Variants in TRPC4AP observed in about 807,000 individuals in gnomAD.
TRPC4AP encodes the protein transient receptor potential cation channel subfamily C member 4 associated protein, also known as short transient receptor potential channel 4-associated protein.
Under a neutral mutation model 99.0 loss-of-function variants are expected in TRPC4AP, and 45 were observed. The observed-to-expected ratio is 0.45, with a 90% CI of 0.36 to 0.58. The LOEUF (loss-of-function observed/expected upper bound fraction) is 0.58. Ranked by LOEUF, TRPC4AP falls within the 20% of genes least tolerant of loss-of-function variation. The pLI is 0.00. For missense variants in TRPC4AP, 879 were observed against 985.3 expected, an observed-to-expected ratio of 0.89 and a Z score of 1.44; for synonymous variants, 408 against 385.8, an observed-to-expected ratio of 1.06 and a Z score of -0.67.
At chr20:35,042,208 G>T (rs1401406579) in intron 7 of TRPC4AP, among the ~76,000 whole-genome samples, 1 of 152,208 alleles carries the variant, frequency 6.6e-6, no homozygotes, top group Non-Finnish European at 1.5e-5. Flanking sequence ...CTTGTATCTA[G>T]TGACACAGGA....
At chr20:35,030,288 C>G (rs2083155477) in intron 8 of TRPC4AP, 1 of 145,898 alleles carries the variant, frequency 6.9e-6, no homozygotes, top group Non-Finnish European at 1.5e-5. Context: ...ACATCTTAAT[C>G]TTTTCCAGAT....
intron 2 of TRPC4AP, among the ~76,000 whole-genome samples, chr20:35,075,929 C>T (rs1287257256): frequency 1.3e-5 from 2 of 152,262 alleles, no homozygotes; most frequent in South Asian, 2.1e-4. Context: ...TCACACAGTC[C>T]CATATTTCTT....
chr20:35,075,877 C>T (rs570719537), intron 2 of TRPC4AP, among the ~76,000 whole-genome samples: 15 of 152,292 alleles, frequency 9.8e-5, no homozygotes, highest in Admixed American at 3.3e-4. Context: ...CCATTCTCCC[C>T]GTCACTTTCA....
At position 35,038,015 on chromosome 20, in the gene TRPC4AP, A is replaced by G. The variant is rs986031950; in HGVS notation, c.866-2707T>C. Among the ~76,000 whole-genome samples the G allele has an allele frequency of 5.3e-5, 8 of 151,904 alleles. No individual in the cohort carries two copies. The South Asian group carries it at 1.7e-3, about 32-fold the overall frequency. On this transcript the variant is annotated intron_variant, in intron 7 of 18. Coordinates refer to ENST00000252015, the MANE Select transcript of TRPC4AP (RefSeq NM_015638.3). Reference sequence around the variant, plus strand: ...CATGACTGTATATGAAGTAATCTGAATAGGTAAATCCACAGAGAAAAAAGC... The same window carrying G: ...CATGACTGTATATGAAGTAATCTGAGTAGGTAAATCCACAGAGAAAAAAGC...
intron 10 of TRPC4AP, among the ~76,000 whole-genome samples, chr20:35,014,447 T>C (rs2147280893): frequency 6.6e-6 from 1 of 150,838 alleles, no homozygotes; most frequent in African/African-American, 2.4e-5. Context: ...CCACAGACAT[T>C]ACAAAACACG....
chr20:35,069,991 CA>C (rs1339652906), intron 2 of TRPC4AP, among the ~76,000 whole-genome samples: 1 of 151,958 alleles, frequency 6.6e-6, no homozygotes, highest in Non-Finnish European at 1.5e-5. Flanking sequence ...TCCTGGAACC[CA>C]AACATCATGC....
At chr20:35,018,604 GAAAAAAAAAAA>G (rs11479211) in intron 9 of TRPC4AP, among the ~76,000 whole-genome samples, 2 of 88,940 alleles carry the variant, frequency 2.2e-5, no homozygotes, top group Non-Finnish European at 2.1e-5. Context: ...CTCAAAAAAA[GAAAAAAAAAAA>G]AAAAAAAAAA....
chr20:35,054,942 A>G lies in TRPC4AP; in HGVS notation c.528+34T>C, dbSNP rs749843640. 3.2e-6 allele frequency: 5 copies of G among 1,571,776 alleles called. No homozygotes were observed. The East Asian group carries it at 6.7e-5, about 21-fold the overall frequency. The stretch of plus-strand genomic sequence containing the variant: ...TTAAACATTGCAGACCTGGTAGGGG[A>G]GATAAACAGAGCCCCAGTGGCAGGG... On this transcript the variant is annotated intron_variant, in intron 5 of 18. Transcript: ENST00000252015.
At chr20:35,069,913 C>T (rs758349302) in intron 2 of TRPC4AP, among the ~76,000 whole-genome samples, 1 of 152,098 alleles carries the variant, frequency 6.6e-6, no homozygotes, top group Non-Finnish European at 1.5e-5. Context: ...TGCACTCCAG[C>T]CTCGGCAACA....
chr20:35,007,544 T>A lies in TRPC4AP; in HGVS notation c.1686+6A>T, dbSNP rs934216747. The A allele has an allele frequency of 2.5e-6, 4 of 1,613,858 alleles. No individual in the cohort carries two copies. The highest frequency in any genetic ancestry group is 3.3e-5 in the Admixed American group (2 of 59,994). ...AACCCAAGACACTGGCTGCTCCAGA[T>A]CATACCTCCAAGAGGCCTCGCTTCA... On this transcript the variant is annotated splice_donor_region_variant and intron_variant, in intron 14 of 18. Transcript: ENST00000252015.
intron 7 of TRPC4AP, 141 bp downstream of exon 7, chr20:35,044,364 C>T: frequency 3.5e-6 from 3 of 860,474 alleles, no homozygotes; most frequent in Admixed American, 6.1e-5. Flanking sequence ...TGCACTCCTG[C>T]CTGGGTGACA....
rs1468165987 is a variant in TRPC4AP at position 35,092,685 on chromosome 20, G to A, written c.97C>T (p.Arg33Trp). 3.3e-6 allele frequency: 5 copies of A among 1,531,280 alleles called. No homozygotes were observed. The highest frequency in any genetic ancestry group is 4.4e-6 in the Non-Finnish European group (5 of 1,148,814). 94.9% of individuals were successfully genotyped at this position (1,531,280 alleles called of 1,614,324 possible). A position where few individuals can be genotyped will look rare whatever the true frequency, so the allele number is the denominator to read the frequency against. ...AGCTGCAGCAGAATGTTACCAGGCC[G>A]CGGCCGGCCGCCCCATCCGCCCCAA... ...AAWGGWGGRPRPGNILLQLRQ... is the reference protein window; with the variant it reads ...AAWGGWGGRPWPGNILLQLRQ... Residue 33 changes from arginine (R) to tryptophan (W), a missense_variant, in exon 1 of 19, where the codon CGG becomes TGG. Around this residue, in one of 3 missense-constraint regions of TRPC4AP, gnomAD observed 603 missense variants for 631.8 expected, o/e 0.95. Transcript: ENST00000252015.
intron 6 of TRPC4AP, among the ~76,000 whole-genome samples, chr20:35,046,386 T>C (rs1193988140): frequency 6.6e-6 from 1 of 152,238 alleles, no homozygotes; most frequent in Admixed American, 6.5e-5. Context: ...AGATAACACC[T>C]GCTATCCTTC....
chr20:35,004,194 A>G (rs1681062045), intron 17 of TRPC4AP, among the ~76,000 whole-genome samples: 1 of 152,180 alleles, frequency 6.6e-6, no homozygotes, highest in African/African-American at 2.4e-5. Context: ...GCAGGGCAGA[A>G]GGTGTGAGGG....
At chr20:35,007,748 T>G in intron 13 of TRPC4AP, 108 bp from the exon 14 acceptor site, 1 of 1,091,992 alleles carries the variant, frequency 9.2e-7, no homozygotes, top group Non-Finnish European at 1.4e-6. Context: ...TACTCAACAT[T>G]TACTGAACAT....
intron 11 of TRPC4AP, among the ~76,000 whole-genome samples, chr20:35,010,834 C>T (rs2082618885): frequency 6.6e-6 from 1 of 152,208 alleles, no homozygotes; most frequent in Non-Finnish European, 1.5e-5. Context: ...TCTTCAGAAT[C>T]AGGACTCTGA....
intron 11 of TRPC4AP, among the ~76,000 whole-genome samples, chr20:35,011,431 G>A (rs1461601619): frequency 1.3e-5 from 2 of 152,140 alleles, no homozygotes; most frequent in African/African-American, 4.8e-5. Flanking sequence ...CTTGGTGATC[G>A]TGTAGCTGGT....
chr20:35,071,687 T>C (rs2084319825), intron 2 of TRPC4AP, among the ~76,000 whole-genome samples: 1 of 152,200 alleles, frequency 6.6e-6, no homozygotes, highest in Non-Finnish European at 1.5e-5. Flanking sequence ...TACCATTAAA[T>C]GGACATTTGG....
At chr20:35,025,607 T>C (rs1445699869) in intron 8 of TRPC4AP, among the ~76,000 whole-genome samples, 2 of 151,492 alleles carry the variant, frequency 1.3e-5, no homozygotes, top group East Asian at 3.9e-4. Context: ...AAATGGGTTT[T>C]TTTATTATTG....
Sources: gnomAD v4.1 joint callset for allele counts (sites outside exome capture counted in the v4.1 genomes callset) on GRCh38, gnomAD v4.1.1 for gene constraint, gnomAD v4.1.1 regional missense constraint, MANE v1.5 for transcripts, NCBI Gene and HGNC (gene_info 2026-07-23, HGNC 2026-07-21) for gene names.